The following SGSM1 variants were observed in gnomAD, a reference collection of about 807,000 sequenced individuals.
SGSM1 encodes small G protein signaling modulator 1, also known as RUN and TBC1 domain containing 2.
A neutral mutation model predicts 133.8 loss-of-function variants in SGSM1; 73 were observed. The ratio of observed to expected loss-of-function variants is 0.55; its 90% CI spans 0.45 to 0.66. The LOEUF (loss-of-function observed/expected upper bound fraction) is 0.66, where lower values mean the gene tolerates loss of function less well. SGSM1 is among the 30% of genes least tolerant of loss of function. The pLI is 0.00. For synonymous variants in SGSM1, 563 were observed against 573.0 expected (o/e 0.98, Z 0.25); for missense variants, 1,213 against 1,448.1 (o/e 0.84, Z 2.64).
chr22:24,921,054 T>G (rs753830549), intron 24 of SGSM1, among the ~76,000 whole-genome samples: 1 of 152,176 alleles, frequency 6.6e-6, no homozygotes, highest in East Asian at 1.9e-4. Context: ...AGAATCCACT[T>G]GTATATGCCT....
chr22:24,915,245 T>C (rs140514143), intron 22 of SGSM1, among the ~76,000 whole-genome samples: 1,766 of 152,038 alleles, frequency 0.012, 38 homozygotes, highest in African/African-American at 0.041. Context: ...AATAAATAAA[T>C]AAATAAATAA....
chr22:24,918,768 G>T (rs76230962), intron 23 of SGSM1, among the ~76,000 whole-genome samples: 9,861 of 150,680 alleles, frequency 0.065, 806 homozygotes, highest in African/African-American at 0.19. Flanking sequence ...TCTTACTCTT[G>T]TTGCCCAAGC....
At chr22:24,911,370 C>T (rs1206054495) in intron 21 of SGSM1, among the ~76,000 whole-genome samples, 3 of 148,598 alleles carry the variant, frequency 2.0e-5, no homozygotes, top group Admixed American at 6.8e-5. Flanking sequence ...CAGCTCACTG[C>T]AATCTCCGCC....
At chr22:24,905,283 G>T in intron 21 of SGSM1, 96 bp downstream of exon 21, 2 of 1,250,894 alleles carry the variant, frequency 1.6e-6, no homozygotes. Flanking sequence ...GTAGAATGTG[G>T]CTCCAGCCAG....
chr22:24,915,253 T>TAAACAAAC (rs1555939481), intron 22 of SGSM1, among the ~76,000 whole-genome samples: 2 of 139,428 alleles, frequency 1.4e-5, no homozygotes, highest in African/African-American at 5.1e-5. Context: ...AATAAATAAA[T>TAAACAAAC]AAACAAACAG....
At chr22:24,829,525 G>A (rs202156558) in intron 2 of SGSM1, among the ~76,000 whole-genome samples, 1 of 152,082 alleles carries the variant, frequency 6.6e-6, no homozygotes, top group East Asian at 1.9e-4. Context: ...AACTTAAAAC[G>A]TTTGTTTTTC....
At chr22:24,868,215 T>TA (rs1931563617) in intron 10 of SGSM1, among the ~76,000 whole-genome samples, 161 bp from the exon 11 acceptor site, 1 of 151,706 alleles carries the variant, frequency 6.6e-6, no homozygotes, top group Non-Finnish European at 1.5e-5. Context: ...TCAGGGGAGG[T>TA]AAAAACTGCT....
intron 12 of SGSM1, 78 bp from the exon 13 acceptor site, chr22:24,876,499 T>C: frequency 6.3e-7 from 1 of 1,579,088 alleles, no homozygotes; most frequent in Non-Finnish European, 8.6e-7. Flanking sequence ...GTGAGCTGCT[T>C]GCTCTAGGGT....
At chr22:24,875,571 C>T (rs544877474) in intron 12 of SGSM1, among the ~76,000 whole-genome samples, 10 of 150,426 alleles carry the variant, frequency 6.6e-5, no homozygotes, top group South Asian at 4.2e-4. Flanking sequence ...ACCCAGGAGG[C>T]GGAGCTTGCA....
chr22:24,824,495 A>T (rs1928682550), intron 2 of SGSM1, among the ~76,000 whole-genome samples: 1 of 151,586 alleles, frequency 6.6e-6, no homozygotes, highest in Admixed American at 6.6e-5. Flanking sequence ...CATCACCATC[A>T]CCAGCCCCAT....
chr22:24,850,514 G>C, intron 5 of SGSM1, 82 bp downstream of exon 5: 1 of 1,544,594 alleles, frequency 6.5e-7, no homozygotes, highest in Non-Finnish European at 8.7e-7. Context: ...CTGGCACAAA[G>C]CTGCTTTCTT....
rs1933672131 is a variant in SGSM1, at chr22:24,912,662, C to T, written c.2838C>T (p.Cys946=). ...ILDDEALAFS[C]FTELMKRMNQ... ...TCTCAGAGGCCCTTGCCTTCAGCTG[C>T]TTCACGGAGCTCATGAAGAGGATGA... Residue 946 remains cysteine (C), a synonymous_variant, in exon 22 of 25, where the codon TGC becomes TGT. Coordinates refer to ENST00000400358, the MANE Select transcript of SGSM1 (RefSeq NM_001098497.3). 1.2e-6 allele frequency: 2 copies of T among 1,613,168 alleles called. No homozygotes were observed. The highest frequency in any genetic ancestry group is 1.1e-5 in the South Asian group (1 of 90,774).
At chr22:24,917,608 T>G in intron 22 of SGSM1, 50 bp from the exon 23 acceptor site, 1 of 1,435,224 alleles carries the variant, frequency 7.0e-7, no homozygotes, top group Non-Finnish European at 9.8e-7. Flanking sequence ...CTGTCTCCTC[T>G]GCTCCAACCT....
At chr22:24,902,808 G>A (rs1187464294) in intron 20 of SGSM1, among the ~76,000 whole-genome samples, 3 of 152,192 alleles carry the variant, frequency 2.0e-5, no homozygotes, top group Non-Finnish European at 1.5e-5. Flanking sequence ...GGAGGCCAAG[G>A]CAGGAGGATT....
In SGSM1 at chr22:24,827,076, C is replaced by T. The variant is rs191038262; in HGVS notation, c.64-17821C>T. On this transcript the variant is annotated intron_variant, in intron 2 of 24. Coordinates refer to ENST00000400358, the MANE Select transcript of SGSM1 (RefSeq NM_001098497.3). ...TTTTCTGCAATCTTTATGACAGCTCCGCACCCTGGGGCATGTAAGTCTCAT... is the reference window on the plus strand; with the variant it reads ...TTTTCTGCAATCTTTATGACAGCTCTGCACCCTGGGGCATGTAAGTCTCAT... Among the ~76,000 whole-genome samples, 271 of 152,218 alleles carry T rather than the reference C, an allele frequency of 1.8e-3. 1 individual carries two copies. The highest frequency in any genetic ancestry group is 5.9e-3 in the African/African-American group (247 of 41,514).
chr22:24,850,228 G>T, intron 4 of SGSM1, 52 bp from the exon 5 acceptor site: 1 of 1,528,856 alleles, frequency 6.5e-7, no homozygotes, highest in Non-Finnish European at 8.9e-7. Flanking sequence ...AATTAGTCCT[G>T]TGTAGATTTG....
rs1227833570 is a variant in SGSM1 at position 24,844,918 on chromosome 22, G to T, written c.85G>T (p.Ala29Ser). The T allele has an allele frequency of 2.5e-6, 4 of 1,613,644 alleles. No homozygotes were observed. The African/African-American group carries it at 4.0e-5, about 16-fold the overall frequency. Reference protein sequence around the residue: ...KKEVKQIMEEAVTRKFVHEDS... With the variant: ...KKEVKQIMEESVTRKFVHEDS... ...CCAGGTGAAGCAGATCATGGAGGAG[G>T]CTGTGACACGCAAGTTTGTCCACGA... The change falls in exon 3 of 25, where the codon GCT becomes TCT. Residue 29 changes from alanine to serine, a missense_variant. Physicochemically the swap from Ala to Ser is moderately conservative, Grantham distance 99. Transcript: ENST00000400358.
intron 2 of SGSM1, among the ~76,000 whole-genome samples, chr22:24,810,274 C>T (rs953645081): frequency 1.3e-5 from 2 of 151,904 alleles, no homozygotes; most frequent in African/African-American, 4.8e-5. Context: ...GAAAATGATT[C>T]AGCTGGCAAG....
rs373781977 is a variant in SGSM1, at chr22:24,868,808, C to T, written c.1244C>T (p.Thr415Met). ...TCAGACAAAGATGATGATGAGGCCA[C>T]GGATTATGTGTTCAGGATCATCTAC... The part of the protein sequence containing the change: ...TSSDKDDDEA[T>M]DYVFRIIYPG... Residue 415 changes from threonine to methionine, a missense_variant, in exon 12 of 25, where the codon ACG becomes ATG. Transcript: ENST00000400358. The T allele has an allele frequency of 1.3e-5, 21 of 1,613,828 alleles. No individual in the cohort carries two copies. Among genetic ancestry groups the T allele is most frequent in the East Asian group, 2.2e-5 (1 of 44,884 alleles).
Sources: gnomAD v4.1 joint callset for allele counts (sites outside exome capture counted in the v4.1 genomes callset) on GRCh38, gnomAD v4.1.1 for gene constraint, MANE v1.5 for transcripts, NCBI Gene and HGNC (gene_info 2026-07-23, HGNC 2026-07-21) for gene names.